CERK: variants seen among roughly 807,000 people sequenced by gnomAD.
CERK encodes acylsphingosine kinase.
In CERK, 39 loss-of-function variants were observed where a neutral mutation model predicts 63.4. That is an observed-to-expected ratio of 0.61 (90% CI 0.48 to 0.80). The LOEUF (loss-of-function observed/expected upper bound fraction) is 0.80, where lower values mean the gene tolerates loss of function less well. CERK is among the 30% of genes least tolerant of loss of function. The pLI, the probability that CERK is intolerant of heterozygous loss-of-function variation, is 0.00. For synonymous variants in CERK, 302 were observed against 280.0 expected, an observed-to-expected ratio of 1.08 and a Z score of -0.78; for missense variants, 670 against 714.1, an observed-to-expected ratio of 0.94 and a Z score of 0.70.
At chr22:46,701,756 A>T in intron 6 of CERK, 46 bp from the exon 7 acceptor site, 1 of 1,433,868 alleles carries the variant, frequency 7.0e-7, no homozygotes, top group African/African-American at 1.4e-5. Flanking sequence ...GAATAACAGA[A>T]TTGTAATCGC....
At chr22:46,693,993 G>A (rs1256624400) in intron 9 of CERK, among the ~76,000 whole-genome samples, 3 of 152,216 alleles carry the variant, frequency 2.0e-5, no homozygotes, top group Non-Finnish European at 2.9e-5. Flanking sequence ...CCGGATTCAC[G>A]CTGTCAAACA....
At chr22:46,687,478 G>A (rs930357343) in intron 12 of CERK, among the ~76,000 whole-genome samples, 1 of 152,210 alleles carries the variant, frequency 6.6e-6, no homozygotes, top group Non-Finnish European at 1.5e-5. Context: ...TTTGTAAAGG[G>A]GTTGCCAATG....
At position 46,738,096 on chromosome 22, in the gene CERK, T is replaced by G; in HGVS notation, c.53A>C (p.Gln18Pro). ...EPLQSVLWVK[Q>P]QRCAVSLEPA... The stretch of plus-strand genomic sequence containing the variant: ...CTCCAGGCTCACGGCGCAGCGCTGC[T>G]GCTTCACCCACAGCACGGATTGCAG... Residue 18 changes from glutamine to proline, a missense_variant, in exon 1 of 13, where the codon CAG becomes CCG. Transcript: ENST00000216264. 2 of 1,286,660 alleles carry G rather than the reference T, an allele frequency of 1.6e-6. No individual in the cohort carries two copies. The highest frequency in any genetic ancestry group is 1.6e-5 in the African/African-American group (1 of 63,462). The allele number at this position is 1,286,660 out of a possible 1,614,324, so 79.7% of individuals were successfully genotyped here.
chr22:46,699,208 T>G, intron 8 of CERK, 105 bp downstream of exon 8: 1 of 1,205,632 alleles, frequency 8.3e-7, no homozygotes, highest in East Asian at 2.3e-5. Flanking sequence ...TGTGAGCAGG[T>G]GGGGGCCCAC....
intron 11 of CERK, 46 bp from the exon 12 acceptor site, chr22:46,690,246 G>A (rs759632497): frequency 9.7e-6 from 15 of 1,542,402 alleles, no homozygotes; most frequent in African/African-American, 5.4e-5. Flanking sequence ...AAACGTCATC[G>A]TCTGGGTGGG....
intron 10 of CERK, 74 bp downstream of exon 10, chr22:46,693,353 T>C (rs936053024): frequency 1.4e-5 from 17 of 1,211,696 alleles, no homozygotes; most frequent in Admixed American, 8.5e-5. Flanking sequence ...GAAGAGGCAG[T>C]GCCCTGAGAG....
Position 46,691,587 on chromosome 22 carries a change from G to A in CERK, c.1317C>T (p.Thr439=). The A allele has an allele frequency of 6.2e-7, 1 of 1,613,810 alleles. No individual in the cohort carries two copies. Among genetic ancestry groups the A allele is most frequent in the Non-Finnish European group, 8.5e-7 (1 of 1,179,942 alleles). The change falls in exon 11 of 13, where the codon ACC becomes ACT. Residue 439 remains threonine, a synonymous_variant. Coordinates refer to ENST00000216264, the MANE Select transcript of CERK (RefSeq NM_022766.6). ...CCCCACTTACCTGGTCCTGCTGGTTGGTGTGCCTGATGAGAAATCTCAGAA... is the reference window on the plus strand; with the variant it reads ...CCCCACTTACCTGGTCCTGCTGGTTAGTGTGCCTGATGAGAAATCTCAGAA... ...FNFLRFLIRH[T]NQQDQFDFTF... is the part of the protein sequence containing the mutation.
intron 5 of CERK, among the ~76,000 whole-genome samples, chr22:46,709,966 A>C (rs1322847775): frequency 2.0e-5 from 3 of 152,238 alleles, no homozygotes; most frequent in African/African-American, 7.2e-5. Flanking sequence ...AATTATGGCC[A>C]ACAAAAGAAA....
At chr22:46,710,522 C>G (rs1227042774) in intron 5 of CERK, among the ~76,000 whole-genome samples, 1 of 151,968 alleles carries the variant, frequency 6.6e-6, no homozygotes, top group African/African-American at 2.4e-5. Context: ...TGTTAATCTC[C>G]TATGACTAAT....
At position 46,686,087 on chromosome 22, in the gene CERK, G is replaced by C. The variant is rs893091910; in HGVS notation, c.*1047C>G. 1 of 152,146 alleles carries C rather than the reference G, an allele frequency of 6.6e-6. No individual in the cohort carries two copies. Among genetic ancestry groups the C allele is most frequent in the East Asian group, 1.9e-4 (1 of 5,194 alleles). The allele number at this position is 152,146 out of a possible 1,614,324, so 9.4% of individuals were successfully genotyped here. A position where few individuals can be genotyped will look rare whatever the true frequency, so the allele number is the denominator to read the frequency against. On this transcript the variant is annotated 3_prime_UTR_variant, in exon 13 of 13. Coordinates refer to ENST00000216264, the MANE Select transcript of CERK (RefSeq NM_022766.6). Reference sequence around the variant, plus strand: ...GAATCCTCTGGTCGCCGGAGCCCTCGCGCTGCAGAGGAAACCAGCGATCCA... The same window carrying C: ...GAATCCTCTGGTCGCCGGAGCCCTCCCGCTGCAGAGGAAACCAGCGATCCA...
At chr22:46,702,698 C>G (rs1344261371) in intron 6 of CERK, among the ~76,000 whole-genome samples, 1 of 152,226 alleles carries the variant, frequency 6.6e-6, no homozygotes, top group Non-Finnish European at 1.5e-5. Context: ...TGCTTCAGCC[C>G]GATGTTCCCC....
intron 1 of CERK, among the ~76,000 whole-genome samples, chr22:46,732,606 G>A (rs892553059): frequency 7.1e-6 from 1 of 140,424 alleles, no homozygotes; most frequent in Non-Finnish European, 1.5e-5. Flanking sequence ...TTTTTTTACA[G>A]TTTGAAAACA....
rs1485503776 is a variant in CERK, at chr22:46,687,096, T to C, written c.*38A>G. Reference sequence around the variant, plus strand: ...TCTGTAATAATTATCTTAAATAGTTTTCACACTTTCCCAGTTTGTGAGCAG... The same window carrying C: ...TCTGTAATAATTATCTTAAATAGTTCTCACACTTTCCCAGTTTGTGAGCAG... On this transcript the variant is annotated 3_prime_UTR_variant, in exon 13 of 13. Coordinates refer to ENST00000216264, the MANE Select transcript of CERK (RefSeq NM_022766.6). The C allele has an allele frequency of 6.4e-7, 1 of 1,562,694 alleles. No homozygotes were observed. The highest frequency in any genetic ancestry group is 1.7e-5 in the Admixed American group (1 of 59,868).
At chr22:46,719,955 G>T in intron 3 of CERK, 131 bp downstream of exon 3, 2 of 1,241,756 alleles carry the variant, frequency 1.6e-6, no homozygotes, top group Non-Finnish European at 2.2e-6. Flanking sequence ...AATTAAGTCA[G>T]CCTGACTCAT....
At chr22:46,690,810 T>G (rs1264505676) in intron 11 of CERK, among the ~76,000 whole-genome samples, 2 of 152,176 alleles carry the variant, frequency 1.3e-5, no homozygotes, top group Non-Finnish European at 2.9e-5. Context: ...CTATTTTCAG[T>G]GGCCTGCAAG....
At chr22:46,696,643 TC>T (rs1194833777) in intron 8 of CERK, among the ~76,000 whole-genome samples, 6 of 152,226 alleles carry the variant, frequency 3.9e-5, no homozygotes, top group Non-Finnish European at 7.3e-5. Context: ...TTCCATGCCC[TC>T]TGTGCTGCTC....
chr22:46,711,367 G>A lies in CERK; in HGVS notation c.506-218C>T, dbSNP rs550072967. Among the ~76,000 whole-genome samples the A allele has an allele frequency of 2.0e-4, 30 of 152,310 alleles. No individual in the cohort carries two copies. In the South Asian group the frequency reaches 5.0e-3, roughly 25 times the overall value. ...ACCTCTCTCGGGCCACAGTCTGCGC[G>A]ATGACATGCAGCGTTCCTGGTATTT... On this transcript the variant is annotated intron_variant, in intron 4 of 12. Coordinates refer to ENST00000216264, the MANE Select transcript of CERK (RefSeq NM_022766.6).
rs2082700734 is a variant in CERK at position 46,686,269 on chromosome 22, G to A, written c.*865C>T. Reference sequence around the variant, plus strand: ...ACAGACTTCAGGCCCTGCCTCAGAGGAGTCCTGCGGGAGTCCAGGACCGGC... The same window carrying A: ...ACAGACTTCAGGCCCTGCCTCAGAGAAGTCCTGCGGGAGTCCAGGACCGGC... On this transcript the variant is annotated 3_prime_UTR_variant, in exon 13 of 13. Transcript: ENST00000216264. The A allele has an allele frequency of 6.6e-6, 1 of 152,220 alleles. No homozygotes were observed. The highest frequency in any genetic ancestry group is 6.5e-5 in the Admixed American group (1 of 15,276). 9.4% of individuals were successfully genotyped at this position (152,220 alleles called of 1,614,324 possible). A position where few individuals can be genotyped will look rare whatever the true frequency, so the allele number is the denominator to read the frequency against.
rs11431926 is a variant in CERK, at chr22:46,704,824, C to CAAAAAAA, written c.715+3012_715+3018dup. Among the ~76,000 whole-genome samples the CAAAAAAA allele has an allele frequency of 6.0e-5, 5 of 83,698 alleles. 1 individual carries two copies. Among genetic ancestry groups the CAAAAAAA allele is most frequent in the Admixed American group, 1.5e-4 (1 of 6,878 alleles). The allele number at this position is 83,698 out of a possible 152,430, so 54.9% of individuals were successfully genotyped here. ...TGGGTGACAGAGCAAGACTCCATCT[C>CAAAAAAA]AAAAAAAAAAAAAAAAAAAAGTGAC... On this transcript the variant is annotated intron_variant, in intron 6 of 12. Coordinates refer to ENST00000216264, the MANE Select transcript of CERK (RefSeq NM_022766.6).
Sources: gnomAD v4.1 joint callset for allele counts (sites outside exome capture counted in the v4.1 genomes callset) on GRCh38, gnomAD v4.1.1 for gene constraint, MANE v1.5 for transcripts, NCBI Gene and HGNC (gene_info 2026-07-23, HGNC 2026-07-21) for gene names.